Variants in SYCE2 observed in about 807,000 individuals in gnomAD.
SYCE2 encodes the protein synaptonemal complex central element protein 2.
Under a neutral mutation model 27.9 loss-of-function variants are expected in SYCE2, and 3 were observed. The observed-to-expected ratio is 0.11, with a 90% CI of 0.05 to 0.28. SYCE2 has a LOEUF of 0.28. Among genes scored for constraint, SYCE2 ranks in the 10% least tolerant of loss-of-function variants. The pLI is 1.00. For missense variants in SYCE2, 207 were observed against 263.5 expected (o/e 0.79, Z 1.48); for synonymous variants, 85 against 100.7 (o/e 0.84, Z 0.93).
rs891061927 is a variant in SYCE2, at chr19:12,912,384, C to T, written c.131+5838G>A. Among the ~76,000 whole-genome samples, 30 of 152,176 alleles carry T rather than the reference C, an allele frequency of 2.0e-4. 3 individuals carry two copies. Among genetic ancestry groups the T allele is most frequent in the African/African-American group, 7.2e-4 (30 of 41,448 alleles). The stretch of plus-strand genomic sequence containing the variant: ...TTGGAACTTTTGCTTCTCTACCCCC[C>T]GCTATACCTAGGCCTTGCTGGTCAC... On this transcript the variant is annotated intron_variant, in intron 2 of 5. Transcript: ENST00000293695.
intron 2 of SYCE2, among the ~76,000 whole-genome samples, chr19:12,911,764 C>T (rs1971050461): frequency 6.6e-6 from 1 of 151,748 alleles, no homozygotes; most frequent in South Asian, 2.1e-4. Flanking sequence ...ATTACAGGCA[C>T]CTGCCATCAT....
At position 12,899,541 on chromosome 19, in the gene SYCE2, A is replaced by G. The variant is rs1555751995; in HGVS notation, c.613-156T>C. 6.2e-7 allele frequency: 1 copy of G among 1,614,138 alleles called. No homozygotes were observed. The highest frequency in any genetic ancestry group is 8.5e-7 in the Non-Finnish European group (1 of 1,180,008). Reference sequence around the variant, plus strand: ...TCCAGGCGTTCACGGCCAGCAAGTGAGCCGCTCCATCAGGGGCCCGAAACT... The same window carrying G: ...TCCAGGCGTTCACGGCCAGCAAGTGGGCCGCTCCATCAGGGGCCCGAAACT... On this transcript the variant is annotated intron_variant, in intron 5 of 5. Transcript: ENST00000293695.
At chr19:12,918,465 A>G in intron 1 of SYCE2, 128 bp from the exon 2 acceptor site, 1 of 818,472 alleles carries the variant, frequency 1.2e-6, no homozygotes, top group South Asian at 1.6e-5. Context: ...CGCAGGAAAG[A>G]CGGGCAGGGC....
chr19:12,900,902 G>A (rs145018871), intron 3 of SYCE2, among the ~76,000 whole-genome samples: 3 of 152,218 alleles, frequency 2.0e-5, no homozygotes, highest in Non-Finnish European at 4.4e-5. Context: ...AAGCTAGGAC[G>A]GGTGTGGTGG....
chr19:12,900,712 A>G, intron 3 of SYCE2, 64 bp from the exon 4 acceptor site: 1 of 1,450,726 alleles, frequency 6.9e-7, no homozygotes. Flanking sequence ...CATCTGTGTT[A>G]AGTGGGTTTC....
intron 3 of SYCE2, among the ~76,000 whole-genome samples, chr19:12,901,077 G>A (rs1970826413): frequency 6.6e-6 from 1 of 152,120 alleles, no homozygotes; most frequent in Non-Finnish European, 1.5e-5. Flanking sequence ...GCTGAGGCAG[G>A]AGAATGGCGT....
rs550522504 is a variant in SYCE2, at chr19:12,913,843, T to C, written c.131+4379A>G. Among the ~76,000 whole-genome samples, 9 of 152,296 alleles carry C rather than the reference T, an allele frequency of 5.9e-5. No individual in the cohort carries two copies. The South Asian group carries it at 6.2e-4, about 11-fold the overall frequency. ...GACTTCAACCATTGCTTCCCTTTTT[T>C]TTTGGTCTCCAATTGACAGCACACA... On this transcript the variant is annotated intron_variant, in intron 2 of 5. Transcript: ENST00000293695.
intron 2 of SYCE2, among the ~76,000 whole-genome samples, chr19:12,909,532 T>A (rs1227143828): frequency 6.6e-6 from 1 of 152,110 alleles, no homozygotes; most frequent in Non-Finnish European, 1.5e-5. Flanking sequence ...CAAAATCCCC[T>A]CATTTCTACC....
chr19:12,908,432 C>T (rs1970981435), intron 2 of SYCE2, among the ~76,000 whole-genome samples: 1 of 151,970 alleles, frequency 6.6e-6, no homozygotes, highest in Non-Finnish European at 1.5e-5. Context: ...TCACGCCATT[C>T]TCTTTCCTCA....
At chr19:12,908,791 C>T (rs970169212) in intron 2 of SYCE2, among the ~76,000 whole-genome samples, 2 of 152,178 alleles carry the variant, frequency 1.3e-5, no homozygotes, top group Non-Finnish European at 2.9e-5. Flanking sequence ...GCCAGCACTG[C>T]TGACCACCCT....
In SYCE2 at chr19:12,901,211, C is replaced by A. The variant is rs377545902; in HGVS notation, c.307-563G>T. ...AAATAAATAAATAAATAAATAAATACACAAATACATAAAAACTAACTGGGC... is the reference window on the plus strand; with the variant it reads ...AAATAAATAAATAAATAAATAAATAAACAAATACATAAAAACTAACTGGGC... On this transcript the variant is annotated intron_variant, in intron 3 of 5. Transcript: ENST00000293695. Among the ~76,000 whole-genome samples, 8 of 127,476 alleles carry A rather than the reference C, an allele frequency of 6.3e-5. No individual in the cohort carries two copies. The East Asian group carries it at 1.3e-3, about 20-fold the overall frequency. The allele number at this position is 127,476 out of a possible 152,430, so 83.6% of individuals were successfully genotyped here. A position where few individuals can be genotyped will look rare whatever the true frequency, so the allele number is the denominator to read the frequency against.
chr19:12,917,819 C>A (rs1447511562), intron 2 of SYCE2, among the ~76,000 whole-genome samples: 1 of 151,844 alleles, frequency 6.6e-6, no homozygotes, highest in Admixed American at 6.6e-5. Context: ...GCCACTATGC[C>A]CAGCTAATTT....
Position 12,911,084 on chromosome 19 carries a change from G to A in SYCE2, c.132-6418C>T, listed in dbSNP as rs373518898. ...TCCCCCAGGCTCAAGTGATCCTCTC[G>A]TCTCTGCCTCCTGAATATCTAGGAC... is the stretch of plus-strand genomic sequence containing the variant. On this transcript the variant is annotated intron_variant, in intron 2 of 5. Coordinates refer to ENST00000293695, the MANE Select transcript of SYCE2 (RefSeq NM_001105578.2). Among the ~76,000 whole-genome samples, 7 of 152,038 alleles carry A rather than the reference G, an allele frequency of 4.6e-5. No homozygotes were observed. In the East Asian group the frequency reaches 1.2e-3, roughly 25 times the overall value.
At chr19:12,901,771 A>G (rs1294127564) in intron 3 of SYCE2, among the ~76,000 whole-genome samples, 1 of 151,876 alleles carries the variant, frequency 6.6e-6, no homozygotes, top group Non-Finnish European at 1.5e-5. Context: ...GAGCGCCACC[A>G]CACCCAGCTA....
chr19:12,899,693 T>G (rs1476595700), intron 5 of SYCE2: 1 of 1,612,580 alleles, frequency 6.2e-7, no homozygotes, highest in Non-Finnish European at 8.5e-7. Flanking sequence ...AAATTTCCCT[T>G]CTGAAGTCGT....
At chr19:12,902,589 C>T (rs1053281227) in intron 3 of SYCE2, among the ~76,000 whole-genome samples, 4 of 151,894 alleles carry the variant, frequency 2.6e-5, no homozygotes, top group African/African-American at 7.3e-5. Context: ...GAGCTGTGAT[C>T]GTGCCACTGC....
intron 2 of SYCE2, among the ~76,000 whole-genome samples, chr19:12,912,399 T>G (rs1225160176): frequency 1.3e-5 from 2 of 152,164 alleles, no homozygotes; most frequent in Non-Finnish European, 2.9e-5. Context: ...TACCTAGGCC[T>G]TGCTGGTCAC....
intron 2 of SYCE2, among the ~76,000 whole-genome samples, chr19:12,905,532 C>T (rs1970918679): frequency 6.6e-6 from 1 of 152,146 alleles, no homozygotes; most frequent in Admixed American, 6.6e-5. Flanking sequence ...GGGGTTTCAC[C>T]GTGTTAGCCA....
intron 2 of SYCE2, among the ~76,000 whole-genome samples, chr19:12,909,614 TG>T (rs1267916319): frequency 6.6e-6 from 1 of 152,140 alleles, no homozygotes; most frequent in Non-Finnish European, 1.5e-5. Flanking sequence ...TTGCCCAGGC[TG>T]GAGTGCAATG....
Sources: allele counts gnomAD v4.1 joint callset (sites outside exome capture counted in the v4.1 genomes callset), GRCh38; gene constraint gnomAD v4.1.1; transcripts MANE v1.5; gene names NCBI Gene and HGNC (gene_info 2026-07-23, HGNC 2026-07-21).